The following BRINP3 variants were observed in gnomAD, a reference collection of about 807,000 sequenced individuals.
The protein encoded by BRINP3 is BMP/retinoic acid-inducible neural-specific protein 3.
In BRINP3, 19 loss-of-function variants were observed where a neutral mutation model predicts 71.0. The observed-to-expected ratio is 0.27, with a 90% CI of 0.19 to 0.39. The LOEUF (loss-of-function observed/expected upper bound fraction) is 0.39, where lower values mean the gene tolerates loss of function less well. Ranked by LOEUF, BRINP3 falls within the 10% of genes least tolerant of loss-of-function variation. The probability of loss-of-function intolerance (pLI) is 1.00; values close to 1 mark genes in which losing one functional copy is unlikely to be tolerated. For synonymous variants in BRINP3, 380 were observed against 337.7 expected (o/e 1.13, Z -1.37); for missense variants, 959 against 940.8 (o/e 1.02, Z -0.25).
intron 1 of BRINP3, 148 bp from the exon 2 acceptor site, chr1:190,455,088 AT>A (rs1260641329): frequency 2.6e-5 from 13 of 493,214 alleles, no homozygotes; most frequent in African/African-American, 3.9e-5. Context: ...AACCAAAATT[AT>A]TTTTTTAGAG....
intron 4 of BRINP3, among the ~76,000 whole-genome samples, chr1:190,250,930 C>A (rs564058604): frequency 4.0e-5 from 6 of 151,826 alleles, no homozygotes; most frequent in Admixed American, 3.9e-4. Context: ...AAGGAGTATA[C>A]CCTTAACTTG....
At chr1:190,373,553 A>G (rs780327840) in intron 2 of BRINP3, among the ~76,000 whole-genome samples, 1 of 151,416 alleles carries the variant, frequency 6.6e-6, no homozygotes, top group South Asian at 2.1e-4. Flanking sequence ...CAAATTCTAC[A>G]TTTGTGATTT....
intron 2 of BRINP3, among the ~76,000 whole-genome samples, chr1:190,422,928 T>G (rs1673475663): frequency 6.6e-6 from 1 of 151,816 alleles, no homozygotes; most frequent in African/African-American, 2.4e-5. Flanking sequence ...ATATTTCAAA[T>G]TATCATTGTG....
At chr1:190,288,964 C>T (rs1243658345) in intron 2 of BRINP3, among the ~76,000 whole-genome samples, 3 of 151,732 alleles carry the variant, frequency 2.0e-5, no homozygotes, top group South Asian at 2.1e-4. Flanking sequence ...ATTTAGGCAA[C>T]ATTTCCACTG....
rs898710241 is a variant in BRINP3, at chr1:190,324,177, C to T, written c.237-42427G>A. 7.9e-5 allele frequency among the ~76,000 whole-genome samples: 12 copies of T among 151,834 alleles called. No homozygotes were observed. The South Asian group carries it at 1.0e-3, about 13-fold the overall frequency. ...GCTTCTAACTTGTTTTGGTAAGTAG[C>T]AAAAAAGAAAGATCATTTTCTAAGA... On this transcript the variant is annotated intron_variant, in intron 2 of 7. Coordinates refer to ENST00000367462, the MANE Select transcript of BRINP3 (RefSeq NM_199051.3).
intron 2 of BRINP3, among the ~76,000 whole-genome samples, chr1:190,403,164 A>C (rs1186556450): frequency 1.3e-5 from 2 of 152,222 alleles, no homozygotes; most frequent in African/African-American, 4.8e-5. Flanking sequence ...TAATCTTCTG[A>C]ACCAACGAAT....
chr1:190,246,325 G>A (rs553002603), intron 4 of BRINP3, among the ~76,000 whole-genome samples: 1 of 151,930 alleles, frequency 6.6e-6, no homozygotes, highest in East Asian at 2.0e-4. Context: ...GTACCTCTGG[G>A]ACTTCATGAA....
chr1:190,163,282 A>G (rs904839887), intron 6 of BRINP3, among the ~76,000 whole-genome samples: 1 of 152,088 alleles, frequency 6.6e-6, no homozygotes, highest in African/African-American at 2.4e-5. Context: ...ATAAAGTATT[A>G]TTTGCTTTTA....
chr1:190,128,940 C>T (rs1056673167), intron 7 of BRINP3, among the ~76,000 whole-genome samples: 3 of 151,480 alleles, frequency 2.0e-5, no homozygotes, highest in Non-Finnish European at 4.4e-5. Context: ...GTAGAACATA[C>T]AAAATAATTT....
chr1:190,308,366 T>G (rs1409974591), intron 2 of BRINP3, among the ~76,000 whole-genome samples: 1 of 151,858 alleles, frequency 6.6e-6, no homozygotes, highest in Non-Finnish European at 1.5e-5. Context: ...AGTATTGTTG[T>G]TCTTGCGACA....
Position 190,160,690 on chromosome 1 carries a change from G to A in BRINP3, c.1162C>T (p.Leu388Phe). 6.2e-7 allele frequency: 1 copy of A among 1,613,076 alleles called. No homozygotes were observed. The highest frequency in any genetic ancestry group is 8.5e-7 in the Non-Finnish European group (1 of 1,179,534). ...TACCTTTGTCTTGGCAGGCTGATGAGGGGTTGTTTATGACACCTCTTGCTA... is the reference window on the plus strand; with the variant it reads ...TACCTTTGTCTTGGCAGGCTGATGAAGGGTTGTTTATGACACCTCTTGCTA... ...SLSKRCHKQPLISLPRQRTST... is the reference protein window; with the variant it reads ...SLSKRCHKQPFISLPRQRTST... Residue 388 changes from leucine to phenylalanine, a missense_variant, in exon 7 of 8, where the codon CTC (leucine) becomes TTC (phenylalanine). Physicochemically the swap from Leu to Phe is conservative, Grantham distance 22 (BLOSUM62 0). Transcript: ENST00000367462.
chr1:190,412,118 G>A (rs541501551), intron 2 of BRINP3, among the ~76,000 whole-genome samples: 1 of 151,682 alleles, frequency 6.6e-6, no homozygotes, highest in African/African-American at 2.4e-5. Context: ...TCCTAACTTT[G>A]CAATACCTAA....
chr1:190,368,473 C>A (rs1669650061), intron 2 of BRINP3, among the ~76,000 whole-genome samples: 1 of 145,880 alleles, frequency 6.9e-6, no homozygotes, highest in Non-Finnish European at 1.5e-5. Context: ...AGCCCGTGCC[C>A]TTATACAAAG....
intron 7 of BRINP3, among the ~76,000 whole-genome samples, chr1:190,109,397 A>G (rs1245286266): frequency 2.0e-5 from 3 of 152,222 alleles, no homozygotes; most frequent in Non-Finnish European, 4.4e-5. Context: ...TGTACTTACT[A>G]GAGTTCTGAG....
chr1:190,348,758 G>T (rs1439394017), intron 2 of BRINP3, among the ~76,000 whole-genome samples: 5 of 152,066 alleles, frequency 3.3e-5, no homozygotes, highest in African/African-American at 1.2e-4. Context: ...CCCAGAGTAG[G>T]CAATTTGTAT....
chr1:190,418,647 A>AT, intron 2 of BRINP3, among the ~76,000 whole-genome samples: 1 of 152,230 alleles, frequency 6.6e-6, no homozygotes, highest in South Asian at 2.1e-4. Context: ...TTAGATATAT[A>AT]TTTTTTATGT....
chr1:190,244,220 T>A (rs921945735), intron 4 of BRINP3, among the ~76,000 whole-genome samples: 1 of 152,094 alleles, frequency 6.6e-6, no homozygotes, highest in Admixed American at 6.6e-5. Flanking sequence ...ACTGTTTGCA[T>A]AGACTAACTT....
intron 2 of BRINP3, among the ~76,000 whole-genome samples, chr1:190,367,190 A>G (rs1004689116): frequency 6.6e-5 from 10 of 152,214 alleles, no homozygotes; most frequent in African/African-American, 2.4e-4. Context: ...CTAGACATGC[A>G]GGCATTTCCA....
In BRINP3 at chr1:190,335,324, C is replaced by T. The variant is rs890688716; in HGVS notation, c.237-53574G>A. On this transcript the variant is annotated intron_variant, in intron 2 of 7. Coordinates refer to ENST00000367462, the MANE Select transcript of BRINP3 (RefSeq NM_199051.3). The stretch of plus-strand genomic sequence containing the variant: ...TTACCCGATAGAGGCTAAAGTTAAA[C>T]TTTTACTACTTGCCTTAAAAGATGG... Among the ~76,000 whole-genome samples, 7 of 151,802 alleles carry T rather than the reference C, an allele frequency of 4.6e-5. 1 individual carries two copies. The highest frequency in any genetic ancestry group is 1.7e-4 in the African/African-American group (7 of 41,400).
Sources: allele counts gnomAD v4.1 joint callset (sites outside exome capture counted in the v4.1 genomes callset), GRCh38; gene constraint gnomAD v4.1.1; transcripts MANE v1.5; gene names NCBI Gene and HGNC (gene_info 2026-07-23, HGNC 2026-07-21).